Variants in NLRP1 observed in about 807,000 individuals in gnomAD.
NLRP1 encodes the protein NLR family pyrin domain containing 1, also known as NACHT, LRR and PYD domains-containing protein 1.
In NLRP1, 94 loss-of-function variants were observed where a neutral mutation model predicts 136.7. The ratio of observed to expected loss-of-function variants is 0.69; its 90% CI spans 0.58 to 0.82. NLRP1 has a LOEUF of 0.82. NLRP1 is among the 40% of genes least tolerant of loss of function. The pLI is 0.00. For synonymous variants in NLRP1, 690 were observed against 725.1 expected, an observed-to-expected ratio of 0.95 and a Z score of 0.78; for missense variants, 1,575 against 1,802.7, an observed-to-expected ratio of 0.87 and a Z score of 2.29.
At chr17:5,548,498 G>A (rs1912949171) in intron 5 of NLRP1, among the ~76,000 whole-genome samples, 1 of 152,098 alleles carries the variant, frequency 6.6e-6, no homozygotes, top group Non-Finnish European at 1.5e-5. Context: ...CTTCTTAAAT[G>A]CAAGTAAGCA....
intron 5 of NLRP1, among the ~76,000 whole-genome samples, chr17:5,549,243 G>C (rs964615435): frequency 2.7e-5 from 4 of 149,726 alleles, no homozygotes; most frequent in African/African-American, 4.9e-5. Context: ...TTTGTATATT[G>C]ATCTTGTTTC....
At chr17:5,558,103 G>C (rs888081235) in intron 4 of NLRP1, among the ~76,000 whole-genome samples, 1 of 152,136 alleles carries the variant, frequency 6.6e-6, no homozygotes, top group African/African-American at 2.4e-5. Context: ...AGACACGGCA[G>C]GGCCCAGTGG....
rs202083712 is a variant in NLRP1 at position 5,583,879 on chromosome 17, G to A, written c.79C>T (p.Leu27=). 8.2e-6 allele frequency: 13 copies of A among 1,594,332 alleles called. No homozygotes were observed. Among genetic ancestry groups the A allele is most frequent in the Non-Finnish European group, 1.1e-5 (13 of 1,168,742 alleles). Residue 27 remains leucine (L), a synonymous_variant, in exon 1 of 17, where the codon CTG becomes TTG. Coordinates refer to ENST00000572272, the MANE Select transcript of NLRP1 (RefSeq NM_033004.4). The surrounding 1 kb of genome is among the most constrained non-coding windows in gnomAD (Gnocchi z 4.5). The part of the protein sequence containing the change: ...KKEELKEFQL[L]LANKAHSRSS... ...CTGGAGTGCGCTTTATTGGCGAGCA[G>A]AAGCTGGAACTCCTTCAGCTCCTCC...
intron 15 of NLRP1, among the ~76,000 whole-genome samples, chr17:5,509,042 G>A (rs1474964521): frequency 1.3e-5 from 2 of 152,190 alleles, no homozygotes; most frequent in Admixed American, 6.5e-5. Context: ...TTACCTAACC[G>A]CCTAGATGGC....
At chr17:5,578,837 A>G (rs893977122) in intron 3 of NLRP1, among the ~76,000 whole-genome samples, 2 of 152,224 alleles carry the variant, frequency 1.3e-5, no homozygotes, top group Non-Finnish European at 2.9e-5. Flanking sequence ...CACTATTTAC[A>G]ATAGCAAAGA....
intron 12 of NLRP1, among the ~76,000 whole-genome samples, chr17:5,522,111 C>T (rs555641299): frequency 3.9e-5 from 6 of 152,344 alleles, no homozygotes; most frequent in East Asian, 1.9e-4. Flanking sequence ...AGGCGTGAGC[C>T]GCTGCATCCA....
rs771290789 is a variant in NLRP1 at position 5,553,572 on chromosome 17, A to G, written c.2358-16T>C. On this transcript the variant is annotated splice_polypyrimidine_tract_variant and intron_variant, in intron 4 of 16. Coordinates refer to ENST00000572272, the MANE Select transcript of NLRP1 (RefSeq NM_033004.4). ...CCACCTGAACCTGAGGGGGAGAGAGAAGGACAGGAGAGATGTGATGTGTCT... is the reference window on the plus strand; with the variant it reads ...CCACCTGAACCTGAGGGGGAGAGAGGAGGACAGGAGAGATGTGATGTGTCT... 16 of 1,610,758 alleles carry G rather than the reference A, an allele frequency of 9.9e-6. No homozygotes were observed. The South Asian group carries it at 1.2e-4, about 12-fold the overall frequency.
chr17:5,518,114 T>G (rs567062857), intron 14 of NLRP1: 1 of 492,216 alleles, frequency 2.0e-6, no homozygotes, highest in African/African-American at 2.0e-5. Flanking sequence ...TTAAACGTAG[T>G]GCTCATAATC....
rs201583715 is a variant in NLRP1, at chr17:5,517,761, C to A, written c.4042G>T (p.Ala1348Ser). ...CTGGATTTACCTGGTTTCACCAAGG[C>A]CTCCCACACCAGAGTCTCATCTTTC... ...DKKDETLVWE[A>S]LVKPGDLMPA... The change falls in exon 15 of 17, where the codon GCC (alanine) becomes TCC (serine). Residue 1348 changes from alanine (A) to serine (S), a missense_variant. By Grantham distance (99) the Ala-to-Ser change is moderately conservative (BLOSUM62 1). Transcript: ENST00000572272. 2 of 1,614,220 alleles carry A rather than the reference C, an allele frequency of 1.2e-6. No homozygotes were observed. Among genetic ancestry groups the A allele is most frequent in the Non-Finnish European group, 1.7e-6 (2 of 1,180,044 alleles).
At chr17:5,555,552 C>A (rs779791116) in intron 4 of NLRP1, among the ~76,000 whole-genome samples, 7 of 152,054 alleles carry the variant, frequency 4.6e-5, no homozygotes, top group Non-Finnish European at 8.8e-5. Flanking sequence ...CAGCCCCCAT[C>A]CCCCGGCCAG....
chr17:5,582,791 G>A lies in NLRP1; in HGVS notation c.327C>T (p.Ser109=). 1.9e-6 allele frequency: 3 copies of A among 1,614,014 alleles called. No individual in the cohort carries two copies. The highest frequency in any genetic ancestry group is 2.5e-6 in the Non-Finnish European group (3 of 1,179,940). ...TTAGCACTGCGGTGGAGGTGGGTTG[G>A]CTGGGAGACCCCAGGTGGGGTTCAC... ...SPSEPHLGSP[S]QPTSTAVLMP... Residue 109 remains serine, a synonymous_variant, in exon 2 of 17, where the codon AGC becomes AGT. Coordinates refer to ENST00000572272, the MANE Select transcript of NLRP1 (RefSeq NM_033004.4).
At chr17:5,526,331 T>C (rs1909547837) in intron 12 of NLRP1, among the ~76,000 whole-genome samples, 1 of 152,166 alleles carries the variant, frequency 6.6e-6, no homozygotes, top group African/African-American at 2.4e-5. Flanking sequence ...GGACTCTATA[T>C]TGTTATACGA....
intron 3 of NLRP1, among the ~76,000 whole-genome samples, chr17:5,570,393 G>T (rs1214407154): frequency 6.6e-6 from 1 of 151,246 alleles, no homozygotes; most frequent in Admixed American, 6.6e-5. Flanking sequence ...AAAGACAGAA[G>T]ATCCAAATAA....
rs750869483 is a variant in NLRP1 at position 5,559,618 on chromosome 17, G to A, written c.1078C>T (p.Arg360Cys). 1.7e-5 allele frequency: 27 copies of A among 1,614,074 alleles called. No individual in the cohort carries two copies. Among genetic ancestry groups the A allele is most frequent in the Middle Eastern group, 1.6e-4 (1 of 6,084 alleles). ...CTGAAGTAGAAGACATGCTGGAAGC[G>A]GTCCCCATACAGCTGGCCTCTCCCC... Reference protein sequence around the residue: ...AWGRGQLYGDRFQHVFYFSCR... With the variant: ...AWGRGQLYGDCFQHVFYFSCR... The change falls in exon 4 of 17, where the codon CGC (arginine) becomes TGC (cysteine). Residue 360 changes from arginine to cysteine, a missense_variant. Arg to Cys is a radical substitution (Grantham distance 180). Coordinates refer to ENST00000572272, the MANE Select transcript of NLRP1 (RefSeq NM_033004.4).
At chr17:5,553,356 G>A (rs1280265581) in intron 5 of NLRP1, 30 bp downstream of exon 5, 7 of 1,567,494 alleles carry the variant, frequency 4.5e-6, no homozygotes, top group African/African-American at 2.7e-5. Context: ...CCCCATCCCT[G>A]CTTCAGAACA....
chr17:5,577,386 CCTT>C (rs1905128330), intron 3 of NLRP1, among the ~76,000 whole-genome samples: 1 of 152,206 alleles, frequency 6.6e-6, no homozygotes, highest in South Asian at 2.1e-4. Context: ...CCCAAAATCT[CCTT>C]AAGCTGATAA....
intron 3 of NLRP1, among the ~76,000 whole-genome samples, chr17:5,561,431 T>TATACTTGCCATGAAACTG (rs1567663741): frequency 2.6e-4 from 3 of 11,590 alleles, no homozygotes; most frequent in African/African-American, 6.1e-4. Context: ...ATGTGGTTTT[T>TATACTTGCCATGAAACTG]TTTTTTTTTT....
chr17:5,549,991 A>G (rs2151789515), intron 5 of NLRP1, among the ~76,000 whole-genome samples: 1 of 152,332 alleles, frequency 6.6e-6, no homozygotes, highest in Admixed American at 6.5e-5. Context: ...AACATCTTGC[A>G]TTACATTGAT....
downstream of NLRP1, among the ~76,000 whole-genome samples, chr17:5,513,045 C>T (rs117654893): frequency 2.0e-3 from 304 of 152,316 alleles, no homozygotes; most frequent in Non-Finnish European, 3.6e-3. Flanking sequence ...GTGATACAGG[C>T]GTGTCAGATT....
Sources: gnomAD v4.1 joint callset for allele counts (sites outside exome capture counted in the v4.1 genomes callset) on GRCh38, gnomAD v4.1.1 for gene constraint, Gnocchi (gnomAD v3.1) non-coding constraint, MANE v1.5 for transcripts, NCBI Gene and HGNC (gene_info 2026-07-23, HGNC 2026-07-21) for gene names.